EXOC4: variants seen among roughly 807,000 people sequenced by gnomAD.
EXOC4 encodes the protein SEC8-like 1.
A neutral mutation model predicts 107.2 loss-of-function variants in EXOC4; 71 were observed. The ratio of observed to expected loss-of-function variants is 0.66; its 90% CI spans 0.55 to 0.81. The LOEUF (loss-of-function observed/expected upper bound fraction) is 0.81, where lower values mean the gene tolerates loss of function less well. Ranked by LOEUF, EXOC4 falls within the 30% of genes least tolerant of loss-of-function variation. The pLI is 0.00. For missense variants in EXOC4, 1,108 were observed against 1,189.6 expected (o/e 0.93, Z 1.01); for synonymous variants, 456 against 441.2 (o/e 1.03, Z -0.42).
chr7:133,915,415 T>C (rs1206281204), intron 12 of EXOC4, among the ~76,000 whole-genome samples: 1 of 152,180 alleles, frequency 6.6e-6, no homozygotes, highest in African/African-American at 2.4e-5. Context: ...TTTGAACATA[T>C]TTCTGTTGGG....
intron 17 of EXOC4, among the ~76,000 whole-genome samples, chr7:134,024,395 G>A (rs1317586469): frequency 1.3e-5 from 2 of 151,516 alleles, no homozygotes; most frequent in Non-Finnish European, 2.9e-5. Flanking sequence ...AGCTTCCAGT[G>A]AGCCGAGATC....
intron 10 of EXOC4, among the ~76,000 whole-genome samples, chr7:133,781,955 T>C (rs1293666968): frequency 2.6e-5 from 4 of 152,248 alleles, no homozygotes; most frequent in African/African-American, 9.6e-5. Flanking sequence ...TCTTCTAATT[T>C]TAATTATTAC....
chr7:133,452,841 G>A (rs942840216), intron 7 of EXOC4, among the ~76,000 whole-genome samples: 1 of 151,942 alleles, frequency 6.6e-6, no homozygotes, highest in Admixed American at 6.6e-5. Flanking sequence ...ATATATGTGT[G>A]TTCAAAATTC....
intron 17 of EXOC4, among the ~76,000 whole-genome samples, chr7:134,036,335 C>T (rs1051422770): frequency 1.3e-5 from 2 of 152,202 alleles, no homozygotes; most frequent in African/African-American, 2.4e-5. Flanking sequence ...AGCCTGTAAT[C>T]CCAGCACTTT....
intron 10 of EXOC4, among the ~76,000 whole-genome samples, chr7:133,793,459 C>T (rs930748367): frequency 6.6e-6 from 1 of 152,164 alleles, no homozygotes; most frequent in African/African-American, 2.4e-5. Context: ...CTGTTTGGCT[C>T]TTTTGGTTTG....
chr7:133,411,375 T>C (rs770577117), intron 7 of EXOC4, among the ~76,000 whole-genome samples: 4 of 152,170 alleles, frequency 2.6e-5, no homozygotes, highest in Non-Finnish European at 5.9e-5. Context: ...CTGTAGATCA[T>C]AGATCCTCAT....
At chr7:134,043,925 T>C (rs1489788670) in intron 17 of EXOC4, among the ~76,000 whole-genome samples, 1 of 152,188 alleles carries the variant, frequency 6.6e-6, no homozygotes, top group Non-Finnish European at 1.5e-5. Context: ...TCCAACACAG[T>C]TGTGCTAATT....
chr7:133,753,663 G>A (rs1025853191), intron 10 of EXOC4, among the ~76,000 whole-genome samples: 1 of 152,194 alleles, frequency 6.6e-6, no homozygotes, highest in Non-Finnish European at 1.5e-5. Context: ...TCCTGCCTGA[G>A]GAGTCAACCT....
At chr7:133,462,251 A>T (rs1392350883) in intron 7 of EXOC4, among the ~76,000 whole-genome samples, 2 of 152,202 alleles carry the variant, frequency 1.3e-5, no homozygotes, top group Non-Finnish European at 2.9e-5. Flanking sequence ...TCTTTTAGAG[A>T]TATATGCTAC....
intron 9 of EXOC4, among the ~76,000 whole-genome samples, chr7:133,598,106 T>G (rs577973470): frequency 6.6e-6 from 1 of 152,268 alleles, no homozygotes; most frequent in Non-Finnish European, 1.5e-5. Context: ...CCAGCTATCA[T>G]GTCAGGAATA....
intron 9 of EXOC4, among the ~76,000 whole-genome samples, chr7:133,532,120 G>A (rs1451045850): frequency 6.6e-6 from 1 of 151,944 alleles, no homozygotes; most frequent in African/African-American, 2.4e-5. Context: ...AAAAAGTTTT[G>A]GATTTTGGAG....
intron 10 of EXOC4, among the ~76,000 whole-genome samples, chr7:133,785,475 A>T (rs1210558462): frequency 6.6e-6 from 1 of 152,172 alleles, no homozygotes; most frequent in Non-Finnish European, 1.5e-5. Flanking sequence ...ATAGGGATAG[A>T]GTGAAAAGAC....
At chr7:133,445,755 T>C (rs1200857731) in intron 7 of EXOC4, among the ~76,000 whole-genome samples, 1 of 152,160 alleles carries the variant, frequency 6.6e-6, no homozygotes, top group African/African-American at 2.4e-5. Flanking sequence ...TGTTACCCTG[T>C]AATCCCAGCA....
chr7:133,559,909 C>T (rs538007226), intron 9 of EXOC4, among the ~76,000 whole-genome samples: 198 of 152,314 alleles, frequency 1.3e-3, no homozygotes, highest in Non-Finnish European at 1.7e-3. Flanking sequence ...TCATTAAAAA[C>T]ATAGCCAGCC....
chr7:133,568,111 A>C (rs1800944590), intron 9 of EXOC4, among the ~76,000 whole-genome samples: 1 of 152,150 alleles, frequency 6.6e-6, no homozygotes, highest in African/African-American at 2.4e-5. Context: ...TTGAATTTAT[A>C]TTTCTCTTGT....
Position 133,432,360 on chromosome 7 carries a change from A to G in EXOC4, c.1183-42968A>G, listed in dbSNP as rs147447457. ...ATGTGGATGATAATAATAAATTCCT[A>G]CCTTACAACACAGCTTTGTATTTGG... On this transcript the variant is annotated intron_variant, in intron 7 of 17. Coordinates refer to ENST00000253861, the MANE Select transcript of EXOC4 (RefSeq NM_021807.4). 1.7e-3 allele frequency among the ~76,000 whole-genome samples: 258 copies of G among 152,294 alleles called. 1 individual carries two copies. Among genetic ancestry groups the G allele is most frequent in the African/African-American group, 5.9e-3 (246 of 41,574 alleles).
intron 1 of EXOC4, among the ~76,000 whole-genome samples, chr7:133,261,225 A>G (rs1795143808): frequency 6.8e-6 from 1 of 147,026 alleles, no homozygotes; most frequent in Non-Finnish European, 1.5e-5. Flanking sequence ...GTTTCCATTG[A>G]TTAATTTTTT....
At chr7:133,536,267 T>G (rs926454305) in intron 9 of EXOC4, among the ~76,000 whole-genome samples, 10 of 152,150 alleles carry the variant, frequency 6.6e-5, no homozygotes, top group African/African-American at 2.4e-4. Flanking sequence ...TCTCCTTTAT[T>G]TGCAGTACTG....
At chr7:134,067,598 G>A (rs1230261836), downstream of EXOC4, among the ~76,000 whole-genome samples, 5 of 149,742 alleles carry the variant, frequency 3.3e-5, no homozygotes, top group South Asian at 2.1e-4. Flanking sequence ...TTGAAAAAGA[G>A]GTAGTTCATC....
Sources: gnomAD v4.1 joint callset for allele counts (sites outside exome capture counted in the v4.1 genomes callset) on GRCh38, gnomAD v4.1.1 for gene constraint, MANE v1.5 for transcripts, NCBI Gene and HGNC (gene_info 2026-07-23, HGNC 2026-07-21) for gene names.